Variants in MADD observed in about 807,000 individuals in gnomAD.
The protein encoded by MADD is MAP kinase activating death domain, also known as MAP kinase-activating death domain protein.
Under a neutral mutation model 176.7 loss-of-function variants are expected in MADD, and 109 were observed. The observed-to-expected ratio is 0.62, with a 90% CI of 0.53 to 0.72. MADD has a LOEUF of 0.72. MADD is among the 30% of genes least tolerant of loss of function. The pLI, the probability that MADD is intolerant of heterozygous loss-of-function variation, is 0.00. For missense variants in MADD, 1,914 were observed against 2,045.5 expected (o/e 0.94, Z 1.24); for synonymous variants, 771 against 771.3 (o/e 1.00, Z 0.01).
In MADD at chr11:47,291,940, G is replaced by A. The variant is rs374670463; in HGVS notation, c.3301+1124G>A. Among the ~76,000 whole-genome samples, 16 of 152,292 alleles carry A rather than the reference G, an allele frequency of 1.1e-4. No homozygotes were observed. In the East Asian group the frequency reaches 1.5e-3, roughly 15 times the overall value. ...ATGTTCTCTGTCACCTCAACTGGAG[G>A]CATTTTTCCAGATCACTGGTGGGTA... On this transcript the variant is annotated intron_variant, in intron 19 of 32. Transcript: ENST00000402192.
intron 32 of MADD, 88 bp downstream of exon 36, chr11:47,328,792 C>T (rs1173662788): frequency 7.1e-6 from 11 of 1,548,828 alleles, no homozygotes; most frequent in Admixed American, 3.6e-5. Flanking sequence ...GCCCTCTGAG[C>T]GCACAGGGGT....
chr11:47,287,780 G>GTTTTTTTTTTTT (rs1414985143), intron 15 of MADD, among the ~76,000 whole-genome samples: 6 of 117,084 alleles, frequency 5.1e-5, no homozygotes, highest in African/African-American at 1.9e-4. Context: ...TGAGAAACAT[G>GTTTTTTTTTTTT]TATTTTTTTT....
At chr11:47,284,658 T>G (rs559536083) in intron 12 of MADD, 93 bp downstream of exon 12, 1 of 1,459,466 alleles carries the variant, frequency 6.9e-7, no homozygotes, top group East Asian at 2.5e-5. Context: ...CATTTGCTGC[T>G]TCTCACACAA....
At chr11:47,292,636 T>C in intron 19 of MADD, 40 bp downstream of exon 21, 1 of 1,604,612 alleles carries the variant, frequency 6.2e-7, no homozygotes, top group East Asian at 2.2e-5. Context: ...AAGTCCTCCA[T>C]ACCTGCCAAC....
intron 22 of MADD, among the ~76,000 whole-genome samples, chr11:47,297,457 T>C (rs1200957085): frequency 6.6e-6 from 1 of 151,596 alleles, no homozygotes; most frequent in Admixed American, 6.6e-5. Context: ...TTTCTTTTTT[T>C]TTTTTTTGAG....
At chr11:47,287,139 C>T (rs1488767491) in intron 15 of MADD, among the ~76,000 whole-genome samples, 6 of 152,208 alleles carry the variant, frequency 3.9e-5, no homozygotes, top group African/African-American at 1.4e-4. Context: ...GACTGACCAA[C>T]ATGGCGAAAC....
intron 22 of MADD, among the ~76,000 whole-genome samples, chr11:47,300,607 C>T (rs535602993): frequency 6.6e-6 from 1 of 152,194 alleles, no homozygotes; most frequent in African/African-American, 2.4e-5. Flanking sequence ...AAGCAATTCT[C>T]ATACCTCAGC....
intron 15 of MADD, among the ~76,000 whole-genome samples, chr11:47,287,181 A>G (rs952885503): frequency 2.0e-5 from 3 of 152,110 alleles, no homozygotes; most frequent in Non-Finnish European, 2.9e-5. Flanking sequence ...AAAGTTAGCC[A>G]TCTGGTGTCA....
At chr11:47,300,737 A>G (rs1338357900) in intron 22 of MADD, among the ~76,000 whole-genome samples, 2 of 151,932 alleles carry the variant, frequency 1.3e-5, no homozygotes, top group African/African-American at 2.4e-5. Flanking sequence ...GCCTCAAGTG[A>G]TCTGCCCGCC....
intron 9 of MADD, 60 bp downstream of exon 9, chr11:47,282,676 T>C: frequency 6.3e-7 from 1 of 1,593,430 alleles, no homozygotes; most frequent in Admixed American, 1.7e-5. Context: ...TGATGGACTT[T>C]GATTTTTCCT....
At chr11:47,309,476 AGGGCTGACTT>A (rs751327526) in intron 24 of MADD, 21 bp from the exon 28 acceptor site, 2 of 1,614,042 alleles carry the variant, frequency 1.2e-6, no homozygotes. Context: ...CTCCCACTTG[AGGGCTGACTT>A]GTGCTTGGTC....
chr11:47,284,524 G>C (rs2059271903), exon 12 of MADD: 1 of 1,614,090 alleles, frequency 6.2e-7, no homozygotes, highest in Non-Finnish European at 8.5e-7. Context: ...TAGCACCACA[G>C]CCAGCAGCAG....
At chr11:47,282,408 C>T (rs748269130) in exon 9 of MADD, 20 of 1,614,104 alleles carry the variant, frequency 1.2e-5, no homozygotes, top group Middle Eastern at 3.3e-4. Flanking sequence ...TCTTCAATTC[C>T]GCCAACGTGC....
chr11:47,320,608 G>A (rs1418542157), intron 27 of MADD, among the ~76,000 whole-genome samples: 5 of 151,618 alleles, frequency 3.3e-5, no homozygotes, highest in African/African-American at 9.7e-5. Context: ...AACATAGGGA[G>A]ACCCTGTCTC....
intron 10 of MADD, among the ~76,000 whole-genome samples, chr11:47,283,686 C>T (rs1370451132): frequency 6.6e-6 from 1 of 152,196 alleles, no homozygotes; most frequent in Non-Finnish European, 1.5e-5. Context: ...ATTCTCTTGC[C>T]CCAGCCACCC....
At chr11:47,324,764 G>T (rs915392970) in intron 30 of MADD, 187 bp downstream of exon 33, 1 of 702,492 alleles carries the variant, frequency 1.4e-6, no homozygotes, top group South Asian at 1.5e-5. Context: ...ACCACCTGGC[G>T]CTGTGAAGGT....
At chr11:47,327,415 G>A (rs1026786468) in intron 31 of MADD, 66 of 985,252 alleles carry the variant, frequency 6.7e-5, no homozygotes, top group East Asian at 1.1e-4. Flanking sequence ...GCCCCTCATC[G>A]CTGCTATGAA....
At chr11:47,285,298 G>C in intron 13 of MADD, 104 bp downstream of exon 13, 1 of 1,555,028 alleles carries the variant, frequency 6.4e-7, no homozygotes, top group African/African-American at 1.4e-5. Flanking sequence ...GAATGCTCTC[G>C]TGGTCCTGCC....
At chr11:47,291,054 C>A (rs761784893) in intron 19 of MADD, among the ~76,000 whole-genome samples, 1 of 151,988 alleles carries the variant, frequency 6.6e-6, no homozygotes, top group Non-Finnish European at 1.5e-5. Context: ...GTTTAGAGGG[C>A]CCAATGAGGC....
Sources: gnomAD v4.1 joint callset for allele counts (sites outside exome capture counted in the v4.1 genomes callset) on GRCh38, gnomAD v4.1.1 for gene constraint, MANE v1.5 for transcripts, NCBI Gene and HGNC (gene_info 2026-07-23, HGNC 2026-07-21) for gene names.